The following LACTB2 variants were observed in gnomAD, a reference collection of about 807,000 sequenced individuals.
The protein encoded by LACTB2 is lactamase beta 2, also known as endoribonuclease LACTB2.
A neutral mutation model predicts 34.8 loss-of-function variants in LACTB2; 32 were observed. The ratio of observed to expected loss-of-function variants is 0.92; its 90% CI spans 0.69 to 1.24. LACTB2 has a LOEUF of 1.24. Ranked by LOEUF, LACTB2 falls within the 50% of genes most tolerant of loss-of-function variation. The pLI is 0.00. For missense variants in LACTB2, 320 were observed against 345.0 expected (o/e 0.93, Z 0.57); for synonymous variants, 120 against 117.5 (o/e 1.02, Z -0.14).
At chr8:70,660,631 C>A (rs1311336687) in intron 2 of LACTB2, 2 of 456,396 alleles carry the variant, frequency 4.4e-6, no homozygotes, top group Non-Finnish European at 8.8e-6. Context: ...TTTGCTCCTG[C>A]AATGCTGTTT....
At chr8:70,639,647 TAATTTA>T (rs1818170892) in intron 5 of LACTB2, among the ~76,000 whole-genome samples, 1 of 152,150 alleles carries the variant, frequency 6.6e-6, no homozygotes, top group Admixed American at 6.5e-5. Flanking sequence ...TTGTATATTT[TAATTTA>T]AATTTAATTT....
chr8:70,668,863 C>T, intron 1 of LACTB2, 136 bp downstream of exon 1: 7 of 1,223,698 alleles, frequency 5.7e-6, no homozygotes, highest in Non-Finnish European at 7.9e-6. Context: ...GCAGTCCCGA[C>T]GGGGCTGCTA....
At chr8:70,649,518 C>T (rs1487558301) in intron 3 of LACTB2, among the ~76,000 whole-genome samples, 2 of 152,168 alleles carry the variant, frequency 1.3e-5, no homozygotes, top group Admixed American at 1.3e-4. Context: ...TAGTTTACTA[C>T]ACGGTTCAGC....
At chr8:70,656,255 C>T (rs1818409999) in intron 3 of LACTB2, among the ~76,000 whole-genome samples, 1 of 152,130 alleles carries the variant, frequency 6.6e-6, no homozygotes, top group Admixed American at 6.5e-5. Flanking sequence ...TGAAATCTTG[C>T]CTAAGCCAAA....
chr8:70,660,891 C>T (rs1224370253), intron 2 of LACTB2: 3 of 456,122 alleles, frequency 6.6e-6, no homozygotes, highest in Non-Finnish European at 1.3e-5. Flanking sequence ...CATCTGCCCA[C>T]CTTAGCCTCC....
In LACTB2 at chr8:70,638,632, A is replaced by G. The variant is rs754932002; in HGVS notation, c.742-3T>C. 5 of 1,417,304 alleles carry G rather than the reference A, an allele frequency of 3.5e-6. No individual in the cohort carries two copies. The highest frequency in any genetic ancestry group is 2.9e-5 in the Admixed American group (1 of 34,968). The allele number at this position is 1,417,304 out of a possible 1,614,324, so 87.8% of individuals were successfully genotyped here. On this transcript the variant is annotated splice_region_variant and splice_polypyrimidine_tract_variant and intron_variant, in intron 5 of 6. Coordinates refer to ENST00000276590, the MANE Select transcript of LACTB2 (RefSeq NM_016027.3). ...TCATGTAAATTCTCAGGAGTATTCTAAAAGAAAAATGAAGGTGAAAAAAAT... is the reference window on the plus strand; with the variant it reads ...TCATGTAAATTCTCAGGAGTATTCTGAAAGAAAAATGAAGGTGAAAAAAAT...
In LACTB2 at chr8:70,669,075, C is replaced by G. The variant is rs1177661558; in HGVS notation, c.46G>C (p.Val16Leu). 1 of 1,612,902 alleles carries G rather than the reference C, an allele frequency of 6.2e-7. No homozygotes were observed. The highest frequency in any genetic ancestry group is 1.7e-5 in the Admixed American group (1 of 59,894). ...QRVERLSNRV[V>L]RVLGCNPGPM... ...CCCGGGTTACAGCCCAACACACGCA[C>G]GACTCGATTGGACAGCCGCTCGACG... Residue 16 changes from valine to leucine, a missense_variant, in exon 1 of 7, where the codon GTG becomes CTG. Transcript: ENST00000276590.
At chr8:70,642,686 A>G (rs268633) in intron 4 of LACTB2, among the ~76,000 whole-genome samples, 135,721 of 151,726 alleles carry the variant, frequency 0.89, 61,193 homozygotes, top group Middle Eastern at 0.96. Context: ...GTTTTGCCAT[A>G]TTGGCCAGGC....
Position 70,653,285 on chromosome 8 carries a change from G to T in LACTB2, c.413+4471C>A, listed in dbSNP as rs552294134. On this transcript the variant is annotated intron_variant, in intron 3 of 6. Coordinates refer to ENST00000276590, the MANE Select transcript of LACTB2 (RefSeq NM_016027.3). ...ACCACCATGCCTGGCTATTTTTTTTGTATTTTTGGTAGAGATGGGGTTTCA... is the reference window on the plus strand; with the variant it reads ...ACCACCATGCCTGGCTATTTTTTTTTTATTTTTGGTAGAGATGGGGTTTCA... 3.0e-4 allele frequency among the ~76,000 whole-genome samples: 45 copies of T among 151,934 alleles called. 1 individual carries two copies. The highest frequency in any genetic ancestry group is 3.4e-3 in the Middle Eastern group (1 of 294).
At chr8:70,650,708 C>T (rs528325294) in intron 3 of LACTB2, among the ~76,000 whole-genome samples, 35 of 119,266 alleles carry the variant, frequency 2.9e-4, no homozygotes, top group African/African-American at 1.1e-3. Context: ...TGCACTCCAA[C>T]CTGGGCGACA....
chr8:70,648,085 C>T (rs1818286074), intron 3 of LACTB2, among the ~76,000 whole-genome samples: 1 of 152,200 alleles, frequency 6.6e-6, no homozygotes. Flanking sequence ...ATTTTACCAT[C>T]TCAGGAAGAA....
intron 5 of LACTB2, among the ~76,000 whole-genome samples, chr8:70,640,213 A>G (rs1363477626): frequency 1.3e-5 from 2 of 152,144 alleles, no homozygotes; most frequent in Non-Finnish European, 2.9e-5. Context: ...CCTCCCACTT[A>G]GCCTCCCAAA....
chr8:70,643,956 G>C, intron 4 of LACTB2, 109 bp downstream of exon 4: 1 of 1,160,464 alleles, frequency 8.6e-7, no homozygotes. Context: ...GGAGGTTGAG[G>C]TGGGAGGACT....
At chr8:70,658,776 C>T (rs1217366325) in intron 2 of LACTB2, among the ~76,000 whole-genome samples, 2 of 152,116 alleles carry the variant, frequency 1.3e-5, no homozygotes, top group Non-Finnish European at 2.9e-5. Flanking sequence ...CCTGTAATCC[C>T]AGCACTTTGG....
intron 3 of LACTB2, among the ~76,000 whole-genome samples, chr8:70,650,735 C>CAAAAAAAAAAAAA (rs61025700): frequency 2.2e-4 from 10 of 46,206 alleles, no homozygotes; most frequent in Admixed American, 3.5e-4. Context: ...GACTCCATCT[C>CAAAAAAAAAAAAA]AAAAAAAAAA....
intron 1 of LACTB2, among the ~76,000 whole-genome samples, chr8:70,665,723 C>G (rs1299709587): frequency 1.3e-5 from 2 of 152,216 alleles, no homozygotes; most frequent in Non-Finnish European, 2.9e-5. Context: ...TGTCCAAAGT[C>G]ATATGGCTAG....
rs779703877 is a variant in LACTB2, at chr8:70,657,722, C to T, written c.413+34G>A. The T allele has an allele frequency of 1.2e-5, 19 of 1,586,872 alleles. No homozygotes were observed. In the Admixed American group the frequency reaches 3.2e-4, roughly 27 times the overall value. On this transcript the variant is annotated intron_variant, in intron 3 of 6. Transcript: ENST00000276590. ...TTTCTATAACACACATACACAGACT[C>T]TTCACCTTCCCTGGCTAAGGGACAT...
rs1453236841 is a variant in LACTB2 at position 70,657,783 on chromosome 8, A to T, written c.386T>A (p.Val129Glu). Residue 129 changes from valine to glutamate, a missense_variant, in exon 3 of 7, where the codon GTG becomes GAG. By Grantham distance (121) the Val-to-Glu change is moderately radical. Coordinates refer to ENST00000276590, the MANE Select transcript of LACTB2 (RefSeq NM_016027.3). ...QQYVYLKDGD[V>E]IKTEGATLRV... ...TAGAGTGGCTCCCTCAGTCTTAATCACATCTCCATCTTTCAGATAAACATA... is the reference window on the plus strand; with the variant it reads ...TAGAGTGGCTCCCTCAGTCTTAATCTCATCTCCATCTTTCAGATAAACATA... The T allele has an allele frequency of 6.2e-7, 1 of 1,612,816 alleles. No homozygotes were observed. Among genetic ancestry groups the T allele is most frequent in the Non-Finnish European group, 8.5e-7 (1 of 1,179,258 alleles).
At chr8:70,640,381 C>G (rs1053320221) in intron 5 of LACTB2, among the ~76,000 whole-genome samples, 5 of 151,186 alleles carry the variant, frequency 3.3e-5, no homozygotes, top group Admixed American at 2.7e-4. Flanking sequence ...CAGTGATATT[C>G]TCAGAGGCCA....
Sources: allele counts gnomAD v4.1 joint callset (sites outside exome capture counted in the v4.1 genomes callset), GRCh38; gene constraint gnomAD v4.1.1; transcripts MANE v1.5; gene names NCBI Gene and HGNC (gene_info 2026-07-23, HGNC 2026-07-21).